NPC1L1: variants seen among roughly 807,000 people sequenced by gnomAD.
NPC1L1 encodes the protein NPC1 like intracellular cholesterol transporter 1, also known as NPC1-like intracellular cholesterol transporter 1.
In NPC1L1, 98 loss-of-function variants were observed where a neutral mutation model predicts 117.0. That is an observed-to-expected ratio of 0.84 (90% CI 0.71 to 0.99). The LOEUF (loss-of-function observed/expected upper bound fraction) is 0.99. Among genes scored for constraint, NPC1L1 ranks in the 50% least tolerant of loss-of-function variants. The pLI, the probability that NPC1L1 is intolerant of heterozygous loss-of-function variation, is 0.00. For synonymous variants in NPC1L1, 729 were observed against 727.6 expected, an observed-to-expected ratio of 1.00 and a Z score of -0.03; for missense variants, 1,540 against 1,710.0, an observed-to-expected ratio of 0.90 and a Z score of 1.75.
chr7:44,524,589 T>TG (rs1801452579), intron 10 of NPC1L1, among the ~76,000 whole-genome samples: 1 of 152,016 alleles, frequency 6.6e-6, no homozygotes, highest in Non-Finnish European at 1.5e-5. Context: ...ACCCTGTCTC[T>TG]ACTAAAAATA....
In NPC1L1 at chr7:44,541,192, G is replaced by A. The variant is rs1421010852; in HGVS notation, c.54+14C>T. ...GAGGCCGCAGGGGAGGTGGAGCCAA[G>A]CCCTGGGACTCACCAAGCGCAGGAG... On this transcript the variant is annotated intron_variant, in intron 1 of 18. Coordinates refer to ENST00000381160, the MANE Select transcript of NPC1L1 (RefSeq NM_001101648.2). 4 of 1,549,532 alleles carry A rather than the reference G, an allele frequency of 2.6e-6. No individual in the cohort carries two copies. The Admixed American group carries it at 7.8e-5, about 30-fold the overall frequency.
intron 10 of NPC1L1, among the ~76,000 whole-genome samples, chr7:44,524,253 A>G (rs1282321866): frequency 1.3e-5 from 2 of 152,212 alleles, no homozygotes; most frequent in African/African-American, 2.4e-5. Flanking sequence ...AGAAACACCA[A>G]CAGCAATAAA....
chr7:44,532,296 G>A lies in NPC1L1; in HGVS notation c.2410-79C>T, dbSNP rs550719339. On this transcript the variant is annotated intron_variant, in intron 8 of 18. Transcript: ENST00000381160. ...GACCACCTTCTTGCCCCCAGGGAGT[G>A]TCACCTTCTGTGGGTGGCCCGTGCC... The A allele has an allele frequency of 1.9e-6, 3 of 1,581,314 alleles. No individual in the cohort carries two copies. In the African/African-American group the frequency reaches 4.0e-5, roughly 21 times the overall value.
Position 44,540,215 on chromosome 7 carries a change from G to A in NPC1L1, c.182C>T (p.Thr61Met), listed in dbSNP as rs114102795. 3.3e-4 allele frequency: 539 copies of A among 1,614,092 alleles called. 3 individuals are homozygous for A. The African/African-American group carries it at 6.7e-3, about 20-fold the overall frequency. ...TLSNVSCLSNTPARKITGDHL... is the reference protein window; with the variant it reads ...TLSNVSCLSNMPARKITGDHL... ...ATCACCTGTGATCTTGCGGGCCGGC[G>A]TGTTGGACAGGCAGGACACGTTGGA... Residue 61 changes from threonine (T) to methionine (M), a missense_variant, in exon 2 of 19, where the codon ACG (threonine) becomes ATG (methionine). Thr to Met is a moderately conservative substitution (Grantham distance 81). Coordinates refer to ENST00000381160, the MANE Select transcript of NPC1L1 (RefSeq NM_001101648.2).
intron 2 of NPC1L1, among the ~76,000 whole-genome samples, chr7:44,537,956 G>A (rs1043476402): frequency 6.6e-6 from 1 of 152,142 alleles, no homozygotes; most frequent in Non-Finnish European, 1.5e-5. Context: ...AGGTAGCAGG[G>A]GACAGAAAGT....
chr7:44,518,669 C>CA (rs374773929), intron 14 of NPC1L1: 125,836 of 888,978 alleles, frequency 0.14, 1 homozygote, highest in Non-Finnish European at 0.15. Flanking sequence ...AACTGTGTCT[C>CA]AAAAAAAAAA....
Position 44,539,204 on chromosome 7 carries a change from T to C in NPC1L1, c.1193A>G (p.Asp398Gly), listed in dbSNP as rs940804007. Residue 398 changes from aspartate to glycine, a missense_variant, in exon 2 of 19, where the codon GAC (aspartate) becomes GGC (glycine). Physicochemically the swap from Asp to Gly is moderately conservative, Grantham distance 94. Around this residue, in one of 3 missense-constraint regions of NPC1L1, gnomAD observed 793 missense variants for 820.4 expected, o/e 0.97. Transcript: ENST00000381160. This position sits in a 1 kb window ranked among gnomAD's most constrained non-coding sequence, Gnocchi z 4.4. ...TCGGAAGAAGGGGCCGAAATGCTGG[T>C]CATGGAAAGCTTTCTCACTCCGGGC... is the stretch of plus-strand genomic sequence containing the variant. ...SQARSEKAFHDQHFGPFFRTN... is the reference protein window; with the variant it reads ...SQARSEKAFHGQHFGPFFRTN... 11 of 1,613,896 alleles carry C rather than the reference T, an allele frequency of 6.8e-6. No individual in the cohort carries two copies. Among genetic ancestry groups the C allele is most frequent in the African/African-American group, 4.0e-5 (3 of 74,896 alleles).
chr7:44,539,192 C>T lies in NPC1L1; in HGVS notation c.1205G>A (p.Gly402Asp), dbSNP rs1258284957. The change falls in exon 2 of 19, where the codon GGC becomes GAC. Residue 402 changes from glycine to aspartate, a missense_variant. This residue lies in a region of NPC1L1 where 793 missense variants were observed against 820.4 expected (regional missense o/e 0.97). Coordinates refer to ENST00000381160, the MANE Select transcript of NPC1L1 (RefSeq NM_001101648.2). The surrounding 1 kb of genome is among the most constrained non-coding windows in gnomAD (Gnocchi z 4.4). ...SEKAFHDQHF[G>D]PFFRTNQVIL... is the part of the protein sequence containing the mutation. The stretch of plus-strand genomic sequence containing the variant: ...CACCTGGTTGGTTCGGAAGAAGGGG[C>T]CGAAATGCTGGTCATGGAAAGCTTT... 6.2e-7 allele frequency: 1 copy of T among 1,614,092 alleles called. No individual in the cohort carries two copies. Among genetic ancestry groups the T allele is most frequent in the Non-Finnish European group, 8.5e-7 (1 of 1,180,042 alleles).
chr7:44,516,895 G>A lies in NPC1L1; in HGVS notation c.3327C>T (p.Leu1109=), dbSNP rs759071254. ...NVFYEQYLTI[L]PEGLFMLSLC... ...GGCTGAGCATGAAGAGCCCCTCAGGGAGGATGGTCAGGTACTGCTCATAAA... is the reference window on the plus strand; with the variant it reads ...GGCTGAGCATGAAGAGCCCCTCAGGAAGGATGGTCAGGTACTGCTCATAAA... The change falls in exon 16 of 19, where the codon CTC becomes CTT. Residue 1109 remains leucine (L), a synonymous_variant. Coordinates refer to ENST00000381160, the MANE Select transcript of NPC1L1 (RefSeq NM_001101648.2). The A allele has an allele frequency of 3.5e-5, 57 of 1,614,054 alleles. 1 individual carries two copies. The South Asian group carries it at 6.1e-4, about 17-fold the overall frequency.
At chr7:44,525,873 G>A (rs1283128577) in intron 10 of NPC1L1, among the ~76,000 whole-genome samples, 1 of 152,212 alleles carries the variant, frequency 6.6e-6, no homozygotes, top group Non-Finnish European at 1.5e-5. Flanking sequence ...TAGATTGAAA[G>A]TGCTGAAGAA....
At chr7:44,522,466 G>A (rs975519261) in intron 10 of NPC1L1, among the ~76,000 whole-genome samples, 2 of 152,096 alleles carry the variant, frequency 1.3e-5, no homozygotes, top group Non-Finnish European at 2.9e-5. Context: ...TATACACGTA[G>A]ATACATGCTT....
chr7:44,513,357 G>A lies in NPC1L1; in HGVS notation c.*90C>T, dbSNP rs1006176622. 2 of 1,262,064 alleles carry A rather than the reference G, an allele frequency of 1.6e-6. No individual in the cohort carries two copies. Among genetic ancestry groups the A allele is most frequent in the African/African-American group, 1.5e-5 (1 of 68,126 alleles). The allele number at this position is 1,262,064 out of a possible 1,614,324, so 78.2% of individuals were successfully genotyped here. A position where few individuals can be genotyped will look rare whatever the true frequency, so the allele number is the denominator to read the frequency against. On this transcript the variant is annotated 3_prime_UTR_variant, in exon 19 of 19. Coordinates refer to ENST00000381160, the MANE Select transcript of NPC1L1 (RefSeq NM_001101648.2). ...GGGAATGGCCTCCCCTAGGATTTGA[G>A]GAGGGCGTGTGTCAAGGGGCAGTCA...
In NPC1L1 at chr7:44,536,775, C is replaced by A. The variant is rs1801908518; in HGVS notation, c.1681+67G>T. 2 of 1,408,804 alleles carry A rather than the reference C, an allele frequency of 1.4e-6. No individual in the cohort carries two copies. Among genetic ancestry groups the A allele is most frequent in the East Asian group, 2.3e-5 (1 of 43,512 alleles). The allele number at this position is 1,408,804 out of a possible 1,614,324, so 87.3% of individuals were successfully genotyped here. A position where few individuals can be genotyped will look rare whatever the true frequency, so the allele number is the denominator to read the frequency against. On this transcript the variant is annotated intron_variant, in intron 3 of 18. Coordinates refer to ENST00000381160, the MANE Select transcript of NPC1L1 (RefSeq NM_001101648.2). The surrounding 1 kb of genome is among the most constrained non-coding windows in gnomAD (Gnocchi z 4.7). ...GAATCCCCAGCACCACTCCCACCCT[C>A]CCGTCTATGGTTCCTGCCCCAATAC...
At chr7:44,517,147 A>G in intron 15 of NPC1L1, 60 bp downstream of exon 15, 1 of 1,609,126 alleles carries the variant, frequency 6.2e-7, no homozygotes, top group South Asian at 1.1e-5. Context: ...CTCCACCCTA[A>G]CCTCCAGTCT....
chr7:44,531,573 G>A (rs940949527), intron 10 of NPC1L1, among the ~76,000 whole-genome samples, 182 bp downstream of exon 10: 3 of 152,182 alleles, frequency 2.0e-5, no homozygotes, highest in African/African-American at 4.8e-5. Flanking sequence ...TGGCTGTTGT[G>A]CTGTTCATAC....
At chr7:44,519,530 G>A (rs146512487) in intron 14 of NPC1L1, among the ~76,000 whole-genome samples, 172 of 152,200 alleles carry the variant, frequency 1.1e-3, no homozygotes, top group African/African-American at 3.8e-3. Context: ...GGTGGGGTGA[G>A]CGAACTTGAG....
Position 44,536,770 on chromosome 7 carries a change from A to G in NPC1L1, c.1681+72T>C, listed in dbSNP as rs1284751449. ...CGCGAGAATCCCCAGCACCACTCCCACCCTCCCGTCTATGGTTCCTGCCCC... is the reference window on the plus strand; with the variant it reads ...CGCGAGAATCCCCAGCACCACTCCCGCCCTCCCGTCTATGGTTCCTGCCCC... On this transcript the variant is annotated intron_variant, in intron 3 of 18. Coordinates refer to ENST00000381160, the MANE Select transcript of NPC1L1 (RefSeq NM_001101648.2). This position sits in a 1 kb window ranked among gnomAD's most constrained non-coding sequence, Gnocchi z 4.7. 1 of 1,350,222 alleles carries G rather than the reference A, an allele frequency of 7.4e-7. No individual in the cohort carries two copies. Among genetic ancestry groups the G allele is most frequent in the Non-Finnish European group, 1.1e-6 (1 of 945,160 alleles). 83.6% of individuals were successfully genotyped at this position (1,350,222 alleles called of 1,614,324 possible). A position where few individuals can be genotyped will look rare whatever the true frequency, so the allele number is the denominator to read the frequency against.
chr7:44,536,873 G>A lies in NPC1L1; in HGVS notation c.1650C>T (p.Val550=). Residue 550 remains valine, a synonymous_variant, in exon 3 of 19, where the codon GTC becomes GTT. Transcript: ENST00000381160. The surrounding 1 kb of genome is among the most constrained non-coding windows in gnomAD (Gnocchi z 4.7). ...ACCCCCCAATGGCAAGGAAGGGGAA[G>A]ACAGGGGCCCCGTAGTCAGCCATGC... is the stretch of plus-strand genomic sequence containing the variant. ...LSCMADYGAP[V]FPFLAIGGYK... The A allele has an allele frequency of 1.2e-6, 2 of 1,614,172 alleles. No individual in the cohort carries two copies. The highest frequency in any genetic ancestry group is 8.5e-7 in the Non-Finnish European group (1 of 1,180,014).
chr7:44,539,603 G>A lies in NPC1L1; in HGVS notation c.794C>T (p.Ala265Val), dbSNP rs984336304. ...GTCGAGGGCCTGGGGGCGGGCTATGGCAGGACAGGATGCAGCACAGTCTTG... is the reference window on the plus strand; with the variant it reads ...GTCGAGGGCCTGGGGGCGGGCTATGACAGGACAGGATGCAGCACAGTCTTG... The part of the protein sequence containing the change: ...SCQDCAASCP[A>V]IARPQALDST... The change falls in exon 2 of 19, where the codon GCC (alanine) becomes GTC (valine). Residue 265 changes from alanine (A) to valine (V), a missense_variant. By Grantham distance (64) the Ala-to-Val change is moderately conservative (BLOSUM62 0). Around this residue, in one of 3 missense-constraint regions of NPC1L1, gnomAD observed 793 missense variants for 820.4 expected, o/e 0.97. Transcript: ENST00000381160. This position sits in a 1 kb window ranked among gnomAD's most constrained non-coding sequence, Gnocchi z 4.4. 1.9e-6 allele frequency: 3 copies of A among 1,613,848 alleles called. No individual in the cohort carries two copies. Among genetic ancestry groups the A allele is most frequent in the Non-Finnish European group, 2.5e-6 (3 of 1,180,016 alleles).
Sources: allele counts gnomAD v4.1 joint callset (sites outside exome capture counted in the v4.1 genomes callset), GRCh38; gene constraint gnomAD v4.1.1; regional missense constraint gnomAD v4.1.1; non-coding constraint Gnocchi (gnomAD v3.1); transcripts MANE v1.5; gene names NCBI Gene and HGNC (gene_info 2026-07-23, HGNC 2026-07-21).